The following STXBP6 variants were observed in gnomAD, a reference collection of about 807,000 sequenced individuals.
STXBP6 encodes syntaxin binding protein 6, also known as syntaxin-binding protein 6.
Under a neutral mutation model 26.9 loss-of-function variants are expected in STXBP6, and 21 were observed. The ratio of observed to expected loss-of-function variants is 0.78; its 90% CI spans 0.55 to 1.12. The LOEUF is 1.12. Ranked by LOEUF, STXBP6 falls within the 50% of genes most tolerant of loss-of-function variation. STXBP6 has a pLI of 0.00. For missense variants in STXBP6, 232 were observed against 257.9 expected, an observed-to-expected ratio of 0.90 and a Z score of 0.69; for synonymous variants, 97 against 92.6, an observed-to-expected ratio of 1.05 and a Z score of -0.27.
chr14:24,880,374 G>A (rs2070313847), intron 2 of STXBP6, among the ~76,000 whole-genome samples: 1 of 152,098 alleles, frequency 6.6e-6, no homozygotes, highest in Non-Finnish European at 1.5e-5. Context: ...AACCTCTTGG[G>A]GGTACATTAA....
chr14:24,911,928 G>A (rs552521727), intron 2 of STXBP6, among the ~76,000 whole-genome samples: 32 of 152,194 alleles, frequency 2.1e-4, no homozygotes, highest in African/African-American at 6.5e-4. Context: ...CTCCAGTCAC[G>A]GAGAGTTACT....
At chr14:24,867,919 G>A (rs550113895) in intron 2 of STXBP6, among the ~76,000 whole-genome samples, 14 of 152,240 alleles carry the variant, frequency 9.2e-5, no homozygotes, top group Admixed American at 3.9e-4. Context: ...TGTATCTGCC[G>A]GGCATAGTTG....
chr14:24,895,581 C>G (rs1355284921), intron 2 of STXBP6, among the ~76,000 whole-genome samples: 1 of 152,184 alleles, frequency 6.6e-6, no homozygotes, highest in East Asian at 1.9e-4. Flanking sequence ...GGTCCAGACA[C>G]ATACAGGATT....
chr14:24,965,641 G>A (rs2073710467), intron 2 of STXBP6, among the ~76,000 whole-genome samples: 1 of 151,988 alleles, frequency 6.6e-6, no homozygotes, highest in African/African-American at 2.4e-5. Flanking sequence ...TTTAATGCAG[G>A]GATATAGATA....
intron 2 of STXBP6, among the ~76,000 whole-genome samples, chr14:24,938,337 G>T (rs2072675387): frequency 6.6e-6 from 1 of 152,224 alleles, no homozygotes; most frequent in African/African-American, 2.4e-5. Flanking sequence ...GTCAGGCAAA[G>T]ATTTTGTTTT....
rs1338029985 is a variant in STXBP6 at position 25,031,718 on chromosome 14, T to C, written c.-33+18160A>G. On this transcript the variant is annotated intron_variant, in intron 1 of 5. Coordinates refer to ENST00000323944, the MANE Select transcript of STXBP6 (RefSeq NM_001394410.1). Reference sequence around the variant, plus strand: ...ATGGCTGTATGTATCTCCCAAGCAATTTTTTTTTTTTTTTTTGCTCAGTTC... The same window carrying C: ...ATGGCTGTATGTATCTCCCAAGCAACTTTTTTTTTTTTTTTTGCTCAGTTC... 4.1e-5 allele frequency among the ~76,000 whole-genome samples: 5 copies of C among 120,664 alleles called. No individual in the cohort carries two copies. In the East Asian group the frequency reaches 1.6e-3, roughly 39 times the overall value. 79.2% of individuals were successfully genotyped at this position (120,664 alleles called of 152,430 possible). A position where few individuals can be genotyped will look rare whatever the true frequency, so the allele number is the denominator to read the frequency against.
At chr14:24,833,717 G>A (rs189364612) in intron 4 of STXBP6, among the ~76,000 whole-genome samples, 1 of 151,948 alleles carries the variant, frequency 6.6e-6, no homozygotes, top group Admixed American at 6.5e-5. Flanking sequence ...TAATTTGGGA[G>A]GATTTAAAAC....
chr14:24,950,568 A>T (rs2073130193), intron 2 of STXBP6, among the ~76,000 whole-genome samples: 1 of 152,200 alleles, frequency 6.6e-6, no homozygotes, highest in Non-Finnish European at 1.5e-5. Context: ...AGAGGGAAAA[A>T]AATCAAGCAC....
intron 2 of STXBP6, among the ~76,000 whole-genome samples, chr14:24,879,863 T>C (rs7161445): frequency 0.33 from 49,998 of 152,008 alleles, 8,569 homozygotes; most frequent in Admixed American, 0.46. Flanking sequence ...GGGCAACAGA[T>C]GGCAGCAAAT....
chr14:24,991,610 A>C (rs1436562785), intron 1 of STXBP6, among the ~76,000 whole-genome samples: 4 of 152,206 alleles, frequency 2.6e-5, no homozygotes, highest in Admixed American at 2.6e-4. Context: ...CAGTCAAAAG[A>C]CATATTAATG....
At chr14:24,839,395 A>G (rs2068722466) in intron 4 of STXBP6, among the ~76,000 whole-genome samples, 1 of 152,200 alleles carries the variant, frequency 6.6e-6, no homozygotes, top group African/African-American at 2.4e-5. Flanking sequence ...TTAAAAAAGG[A>G]CTAACCATAA....
intron 2 of STXBP6, among the ~76,000 whole-genome samples, chr14:24,866,317 G>A (rs893716003): frequency 2.6e-5 from 4 of 152,092 alleles, no homozygotes; most frequent in African/African-American, 7.2e-5. Context: ...ATGATCATGT[G>A]AGCCAATTCC....
intron 2 of STXBP6, among the ~76,000 whole-genome samples, chr14:24,858,019 A>G (rs547327252): frequency 1.3e-5 from 2 of 152,266 alleles, no homozygotes; most frequent in South Asian, 4.1e-4. Context: ...AGCAAATTAA[A>G]TAGAAAGGAA....
At chr14:24,857,239 C>CAGTGCTGTTT (rs1206772928) in intron 2 of STXBP6, 82 bp from the exon 3 acceptor site, 150 of 1,568,598 alleles carry the variant, frequency 9.6e-5, no homozygotes, top group Non-Finnish European at 1.2e-4. Context: ...CTACAGGACA[C>CAGTGCTGTTT]CTACTGTGTA....
chr14:25,042,380 C>T (rs2075657325), intron 1 of STXBP6, among the ~76,000 whole-genome samples: 1 of 152,218 alleles, frequency 6.6e-6, no homozygotes, highest in Admixed American at 6.5e-5. Flanking sequence ...GGGCAAGGGG[C>T]ACAGGCTCCA....
At chr14:25,008,060 A>T (rs1175764823) in intron 1 of STXBP6, among the ~76,000 whole-genome samples, 1 of 152,216 alleles carries the variant, frequency 6.6e-6, no homozygotes, top group Non-Finnish European at 1.5e-5. Context: ...CACTCATGGC[A>T]TGAAGCCAGA....
chr14:24,888,467 T>C (rs1440556769), intron 2 of STXBP6, among the ~76,000 whole-genome samples: 1 of 152,130 alleles, frequency 6.6e-6, no homozygotes, highest in African/African-American at 2.4e-5. Flanking sequence ...CTCACCTCTG[T>C]AATCCCACCA....
At chr14:24,963,292 C>T (rs1595201080) in intron 2 of STXBP6, among the ~76,000 whole-genome samples, 1 of 152,174 alleles carries the variant, frequency 6.6e-6, no homozygotes, top group Admixed American at 6.5e-5. Context: ...ACGAGGGCGG[C>T]TAATGCTTCC....
chr14:25,031,803 C>T (rs886852041), intron 1 of STXBP6, among the ~76,000 whole-genome samples: 8 of 151,846 alleles, frequency 5.3e-5, no homozygotes, highest in African/African-American at 1.9e-4. Flanking sequence ...TATTGCCCAC[C>T]ATCTCTAGTT....
Sources: allele counts gnomAD v4.1 joint callset (sites outside exome capture counted in the v4.1 genomes callset), GRCh38; gene constraint gnomAD v4.1.1; transcripts MANE v1.5; gene names NCBI Gene and HGNC (gene_info 2026-07-23, HGNC 2026-07-21).